SLC12A6: variants seen among roughly 807,000 people sequenced by gnomAD.
SLC12A6 encodes solute carrier family 12 member 6.
Under a neutral mutation model 135.3 loss-of-function variants are expected in SLC12A6, and 66 were observed. That is an observed-to-expected ratio of 0.49 (90% CI 0.40 to 0.60). The LOEUF (loss-of-function observed/expected upper bound fraction) is 0.60. SLC12A6 is among the 20% of genes least tolerant of loss of function. The pLI is 0.00. For synonymous variants in SLC12A6, 513 were observed against 508.8 expected (o/e 1.01, Z -0.11); for missense variants, 1,058 against 1,452.3 (o/e 0.73, Z 4.41).
intron 19 of SLC12A6, among the ~76,000 whole-genome samples, chr15:34,240,440 A>AAGGTCTAAT (rs1364973632): frequency 2.0e-5 from 3 of 152,190 alleles, no homozygotes; most frequent in African/African-American, 7.2e-5. Context: ...TAGACTTAAT[A>AAGGTCTAAT]ATCTTATAAT....
At chr15:34,270,844 A>AAG (rs58810559) in intron 3 of SLC12A6, among the ~76,000 whole-genome samples, 6 of 143,854 alleles carry the variant, frequency 4.2e-5, no homozygotes, top group African/African-American at 5.1e-5. Flanking sequence ...AAAAAAAAAA[A>AAG]AGAGAGAGAG....
At chr15:34,320,192 A>G (rs1888967839) in intron 2 of SLC12A6, among the ~76,000 whole-genome samples, 1 of 152,238 alleles carries the variant, frequency 6.6e-6, no homozygotes. Context: ...TCATTCAGTT[A>G]TATACCACTT....
rs1395678022 is a variant in SLC12A6 at position 34,336,567 on chromosome 15, T to C, written c.114A>G (p.Arg38=). 1.2e-6 allele frequency: 2 copies of C among 1,613,858 alleles called. No homozygotes were observed. Among genetic ancestry groups the C allele is most frequent in the African/African-American group, 2.7e-5 (2 of 74,872 alleles). The change falls in exon 2 of 26, where the codon CGA becomes CGG. Residue 38 remains arginine (R), a synonymous_variant. Transcript: ENST00000354181. ...AGCTAAATCTTACTCGGGAACTAGATCGAGAGCTGAGGTCCGGACTGGTGT... is the reference window on the plus strand; with the variant it reads ...AGCTAAATCTTACTCGGGAACTAGACCGAGAGCTGAGGTCCGGACTGGTGT... ...LSDTSPDLSS[R]SSSRVRFSSR... is the part of the protein sequence containing the mutation.
At chr15:34,321,304 A>C (rs916123716) in intron 2 of SLC12A6, among the ~76,000 whole-genome samples, 4 of 152,254 alleles carry the variant, frequency 2.6e-5, no homozygotes, top group Non-Finnish European at 5.9e-5. Context: ...AGAAAATTGA[A>C]GGCAAAGTTA....
chr15:34,325,048 T>C (rs1334419746), intron 2 of SLC12A6, among the ~76,000 whole-genome samples: 2 of 152,280 alleles, frequency 1.3e-5, no homozygotes, highest in South Asian at 2.1e-4. Context: ...TCTGAACTTA[T>C]CTCCTCACAA....
chr15:34,287,880 C>T (rs1197166565), intron 2 of SLC12A6, among the ~76,000 whole-genome samples: 1 of 151,938 alleles, frequency 6.6e-6, no homozygotes, highest in Non-Finnish European at 1.5e-5. Flanking sequence ...GGATATTAGC[C>T]CTTTGTCAGA....
chr15:34,238,146 T>C (rs1403592802), intron 21 of SLC12A6, 86 bp downstream of exon 21: 5 of 967,660 alleles, frequency 5.2e-6, no homozygotes, highest in East Asian at 2.4e-5. Context: ...CCCAACACTA[T>C]TATAATCAGA....
At chr15:34,248,058 T>C (rs1178330559) in intron 13 of SLC12A6, among the ~76,000 whole-genome samples, 1 of 152,224 alleles carries the variant, frequency 6.6e-6, no homozygotes, top group Non-Finnish European at 1.5e-5. Flanking sequence ...ATATAAATGA[T>C]ACACAGTACA....
At chr15:34,305,380 TAA>T (rs1242633911) in intron 2 of SLC12A6, among the ~76,000 whole-genome samples, 2 of 151,184 alleles carry the variant, frequency 1.3e-5, no homozygotes, top group African/African-American at 4.9e-5. Context: ...GTCTCTTTTT[TAA>T]AAGTTTTTTT....
At chr15:34,285,717 T>TGTGTGTATA (rs144158165) in intron 2 of SLC12A6, among the ~76,000 whole-genome samples, 3 of 131,108 alleles carry the variant, frequency 2.3e-5, no homozygotes, top group African/African-American at 8.9e-5. Flanking sequence ...TGTGTGTTTG[T>TGTGTGTATA]CATACATAAA....
chr15:34,322,180 C>T (rs757121364), intron 2 of SLC12A6, among the ~76,000 whole-genome samples: 2 of 151,992 alleles, frequency 1.3e-5, no homozygotes, highest in African/African-American at 2.4e-5. Context: ...GAGGTCAGTT[C>T]GAGACCAGCC....
intron 2 of SLC12A6, among the ~76,000 whole-genome samples, chr15:34,289,050 C>T (rs749619796): frequency 6.6e-6 from 1 of 152,162 alleles, no homozygotes; most frequent in Non-Finnish European, 1.5e-5. Context: ...AGAGGGCATC[C>T]TTGTCTTGTC....
Position 34,242,214 on chromosome 15 carries a change from A to T in SLC12A6, c.2050T>A (p.Ser684Thr). The T allele has an allele frequency of 6.2e-7, 1 of 1,600,964 alleles. No homozygotes were observed. Among genetic ancestry groups the T allele is most frequent in the East Asian group, 2.2e-5 (1 of 44,746 alleles). Residue 684 changes from serine to threonine, a missense_variant, in exon 17 of 26, where the codon TCT becomes ACT. Transcript: ENST00000354181. ...AGACAGATACTCATTCCCATGAAAG[A>T]AAGGGCCCTAGAAAATTAAAAACAA... is the stretch of plus-strand genomic sequence containing the variant. ...PRFRYYHWAL[S>T]FMGMSICLAL...
At chr15:34,329,564 G>A (rs150889797) in intron 2 of SLC12A6, among the ~76,000 whole-genome samples, 1 of 151,980 alleles carries the variant, frequency 6.6e-6, no homozygotes, top group East Asian at 1.9e-4. Flanking sequence ...AAGAATTTGG[G>A]CTCATGATGG....
chr15:34,328,978 C>G (rs759483972), intron 2 of SLC12A6, among the ~76,000 whole-genome samples: 1 of 152,182 alleles, frequency 6.6e-6, no homozygotes, highest in Non-Finnish European at 1.5e-5. Context: ...TTTCCACATA[C>G]TTGTAAAACT....
chr15:34,298,095 C>A (rs1895993893), intron 2 of SLC12A6, among the ~76,000 whole-genome samples: 2 of 152,194 alleles, frequency 1.3e-5, no homozygotes, highest in South Asian at 4.2e-4. Flanking sequence ...AAACAGTGAC[C>A]ATTTGCTCTC....
rs2290940 is a variant in SLC12A6 at position 34,252,267 on chromosome 15, C to G, written c.1236G>C (p.Ser412=). The G allele has an allele frequency of 2.5e-6, 4 of 1,606,190 alleles. No homozygotes were observed. The African/African-American group carries it at 4.0e-5, about 16-fold the overall frequency. The change falls in exon 10 of 26, where the codon TCG becomes TCC. Residue 412 remains serine, a synonymous_variant. Coordinates refer to ENST00000354181, the MANE Select transcript of SLC12A6 (RefSeq NM_001365088.1). ...CACAGGTGGCATTGAAAAATTGACTCGAGTTACAGAAGAATCCCCATAACT... is the reference window on the plus strand; with the variant it reads ...CACAGGTGGCATTGAAAAATTGACTGGAGTTACAGAAGAATCCCCATAACT... ...PSKLWGFFCN[S]SQFFNATCDE...
chr15:34,317,636 G>A (rs1346166781), intron 2 of SLC12A6, among the ~76,000 whole-genome samples: 1 of 152,156 alleles, frequency 6.6e-6, no homozygotes, highest in Non-Finnish European at 1.5e-5. Flanking sequence ...TCGAGAGGCG[G>A]AGGTTGCAGT....
rs573637671 is a variant in SLC12A6, at chr15:34,232,052, A to G, written c.*1829T>C. The G allele has an allele frequency of 6.6e-6, 1 of 152,192 alleles. No individual in the cohort carries two copies. The highest frequency in any genetic ancestry group is 2.1e-4 in the South Asian group (1 of 4,832). The allele number at this position is 152,192 out of a possible 1,614,324, so 9.4% of individuals were successfully genotyped here. A position where few individuals can be genotyped will look rare whatever the true frequency, so the allele number is the denominator to read the frequency against. On this transcript the variant is annotated 3_prime_UTR_variant, in exon 26 of 26. Transcript: ENST00000354181. ...AATAAATTGAAATTCAAAAACAGCC[A>G]TGAATACAGGCAAGAAAAGTTTCTC... is the stretch of plus-strand genomic sequence containing the variant.
Sources: allele counts gnomAD v4.1 joint callset (sites outside exome capture counted in the v4.1 genomes callset), GRCh38; gene constraint gnomAD v4.1.1; transcripts MANE v1.5; gene names NCBI Gene and HGNC (gene_info 2026-07-23, HGNC 2026-07-21).